Variants in GRB10 observed in about 807,000 individuals in gnomAD.
The protein encoded by GRB10 is growth factor receptor-bound protein 10.
Under a neutral mutation model 80.9 loss-of-function variants are expected in GRB10, and 20 were observed. The ratio of observed to expected loss-of-function variants is 0.25; its 90% CI spans 0.17 to 0.36. The LOEUF is 0.36. Among genes scored for constraint, GRB10 ranks in the 10% least tolerant of loss-of-function variants. The pLI is 1.00. For missense variants in GRB10, 548 were observed against 747.7 expected, an observed-to-expected ratio of 0.73 and a Z score of 3.12; for synonymous variants, 291 against 291.5, an observed-to-expected ratio of 1.00 and a Z score of 0.02.
intron 17 of GRB10, among the ~76,000 whole-genome samples, chr7:50,599,150 G>A (rs188641842): frequency 6.6e-6 from 1 of 152,306 alleles, no homozygotes; most frequent in Admixed American, 6.5e-5. Flanking sequence ...ACGAGTATGT[G>A]CGCGCACACG....
intron 10 of GRB10, among the ~76,000 whole-genome samples, chr7:50,616,772 T>A (rs926016437): frequency 8.5e-5 from 13 of 152,262 alleles, no homozygotes; most frequent in African/African-American, 2.7e-4. Context: ...CCGCAAGTGA[T>A]GCACCCAGGT....
chr7:50,606,191 A>T, intron 14 of GRB10, 146 bp downstream of exon 14: 1 of 770,180 alleles, frequency 1.3e-6, no homozygotes. Flanking sequence ...AACCCACGTC[A>T]TCGTGGGACA....
chr7:50,663,929 C>T (rs2059539917), intron 7 of GRB10, among the ~76,000 whole-genome samples: 1 of 152,120 alleles, frequency 6.6e-6, no homozygotes, highest in South Asian at 2.1e-4. Context: ...CTGCTTCAGC[C>T]CACACAGTGC....
At chr7:50,628,574 GGGGGTGGTA>G (rs1163338264) in intron 7 of GRB10, among the ~76,000 whole-genome samples, 1 of 150,422 alleles carries the variant, frequency 6.6e-6, no homozygotes, top group Non-Finnish European at 1.5e-5. Flanking sequence ...TGGGGGTGGT[GGGGGTGGTA>G]GAGGCGGGGC....
chr7:50,616,882 C>A (rs1024656899), intron 10 of GRB10, among the ~76,000 whole-genome samples: 4 of 152,208 alleles, frequency 2.6e-5, no homozygotes, highest in Non-Finnish European at 4.4e-5. Flanking sequence ...CAAGAAACTA[C>A]GCTTTTCATC....
At chr7:50,603,866 C>A (rs568670092) in intron 17 of GRB10, 132 bp downstream of exon 17, 8 of 847,064 alleles carry the variant, frequency 9.4e-6, no homozygotes, top group Non-Finnish European at 1.7e-5. Flanking sequence ...TCTAGCCTAC[C>A]TTTTCTCCTC....
chr7:50,604,168 A>T (rs1359649075), intron 16 of GRB10, 83 bp from the exon 17 acceptor site: 3 of 1,339,108 alleles, frequency 2.2e-6, no homozygotes. Flanking sequence ...ACTCTGATCA[A>T]CTCAGAGCCC....
chr7:50,603,172 C>T lies in GRB10; in HGVS notation c.1544+826G>A, dbSNP rs530835521. ...TGGGACAGCTCCCACATGGATGTAA[C>T]TACTTCCTCAGGGAGGATGATCAGC... On this transcript the variant is annotated intron_variant, in intron 17 of 18. Coordinates refer to ENST00000401949, the MANE Select transcript of GRB10 (RefSeq NM_001350814.2). Among the ~76,000 whole-genome samples the T allele has an allele frequency of 2.0e-5, 3 of 152,338 alleles. No homozygotes were observed. The South Asian group carries it at 6.2e-4, about 32-fold the overall frequency.
At chr7:50,769,734 A>C (rs2076779995) in intron 2 of GRB10, among the ~76,000 whole-genome samples, 1 of 152,096 alleles carries the variant, frequency 6.6e-6, no homozygotes, top group Non-Finnish European at 1.5e-5. Flanking sequence ...AGCAGTGGGG[A>C]GGAAGAGAAT....
chr7:50,758,207 A>C (rs1347837678), intron 2 of GRB10, among the ~76,000 whole-genome samples: 13 of 152,136 alleles, frequency 8.5e-5, no homozygotes, highest in Non-Finnish European at 1.3e-4. Context: ...CAGTAGCCTC[A>C]TCTGGCACCG....
chr7:50,753,461 C>G (rs954651945), intron 3 of GRB10, among the ~76,000 whole-genome samples: 6 of 152,176 alleles, frequency 3.9e-5, no homozygotes, highest in African/African-American at 1.2e-4. Flanking sequence ...CAAGAGGGAG[C>G]CCATCTGAGA....
intron 5 of GRB10, among the ~76,000 whole-genome samples, chr7:50,676,711 AAAC>A (rs1230013704): frequency 2.6e-5 from 4 of 152,156 alleles, no homozygotes; most frequent in African/African-American, 7.2e-5. Context: ...TAAGGAAACA[AAAC>A]AACAACAATG....
intron 7 of GRB10, among the ~76,000 whole-genome samples, chr7:50,641,481 A>G (rs2056256523): frequency 6.6e-6 from 1 of 152,240 alleles, no homozygotes; most frequent in South Asian, 2.1e-4. Context: ...ACAAGGACAC[A>G]TTCATGAGAG....
intron 1 of GRB10, among the ~76,000 whole-genome samples, chr7:50,790,009 G>A (rs545119103): frequency 1.3e-5 from 2 of 152,132 alleles, no homozygotes; most frequent in Non-Finnish European, 2.9e-5. Flanking sequence ...TGATCACCAG[G>A]AGCATGGACA....
rs1027125696 is a variant in GRB10, at chr7:50,605,477, T to C, written c.1273-71A>G. Reference sequence around the variant, plus strand: ...AGAGTGGAGTCTTGGCATGAAACTATCATCAAGACGGTCAGGAAAGGGGAG... The same window carrying C: ...AGAGTGGAGTCTTGGCATGAAACTACCATCAAGACGGTCAGGAAAGGGGAG... On this transcript the variant is annotated intron_variant, in intron 14 of 18. Coordinates refer to ENST00000401949, the MANE Select transcript of GRB10 (RefSeq NM_001350814.2). The C allele has an allele frequency of 4.1e-6, 5 of 1,221,602 alleles. No homozygotes were observed. The African/African-American group carries it at 4.5e-5, about 11-fold the overall frequency. 75.7% of individuals were successfully genotyped at this position (1,221,602 alleles called of 1,614,324 possible).
At chr7:50,730,228 A>T (rs2069435447) in intron 4 of GRB10, among the ~76,000 whole-genome samples, 1 of 152,216 alleles carries the variant, frequency 6.6e-6, no homozygotes, top group African/African-American at 2.4e-5. Context: ...CAGCAGGATG[A>T]TTAAATGCAT....
chr7:50,738,414 AACAG>A (rs2071172300), intron 3 of GRB10, among the ~76,000 whole-genome samples: 1 of 152,242 alleles, frequency 6.6e-6, no homozygotes, highest in African/African-American at 2.4e-5. Context: ...ATAATTCATC[AACAG>A]ACAAACAAAA....
upstream of GRB10, among the ~76,000 whole-genome samples, chr7:50,786,325 A>C (rs1278551440): frequency 6.6e-6 from 1 of 152,204 alleles, no homozygotes; most frequent in Non-Finnish European, 1.5e-5. Context: ...TGAAAGGATT[A>C]ATTCAAAAAC....
chr7:50,724,370 C>T (rs1448286282), intron 4 of GRB10, among the ~76,000 whole-genome samples: 1 of 152,236 alleles, frequency 6.6e-6, no homozygotes, highest in African/African-American at 2.4e-5. Context: ...ATACGATACA[C>T]ACCCACATTT....
Sources: allele counts gnomAD v4.1 joint callset (sites outside exome capture counted in the v4.1 genomes callset), GRCh38; gene constraint gnomAD v4.1.1; transcripts MANE v1.5; gene names NCBI Gene and HGNC (gene_info 2026-07-23, HGNC 2026-07-21).